The following DCPH1 variants were observed in gnomAD, a reference collection of about 807,000 sequenced individuals.
The protein encoded by DCPH1 is damage control phosphatase 1.
At chr6:151,460,793 A>C in the DCPH1 span, among the ~76,000 whole-genome samples, 7 of 151,952 alleles carry the variant, frequency 4.6e-5, no homozygotes, top group South Asian at 4.2e-4. Context: ...CAAAAAAAAA[A>C]CAAAAAAACA....
the DCPH1 span, among the ~76,000 whole-genome samples, chr6:151,453,224 A>T: frequency 6.6e-6 from 1 of 152,256 alleles, no homozygotes; most frequent in African/African-American, 2.4e-5. Context: ...GTTTCAGGTC[A>T]TGCAAGTATA....
At chr6:151,459,119 G>A in the DCPH1 span, among the ~76,000 whole-genome samples, 2 of 152,104 alleles carry the variant, frequency 1.3e-5, no homozygotes, top group Non-Finnish European at 2.9e-5. Flanking sequence ...CCTGAGCACC[G>A]GAGTGAAACT....
chr6:151,456,583 G>A, the DCPH1 span, among the ~76,000 whole-genome samples: 1 of 152,150 alleles, frequency 6.6e-6, no homozygotes, highest in South Asian at 2.1e-4. Flanking sequence ...GTATAATTTA[G>A]CCAAATTTGG....
the DCPH1 span, chr6:151,469,018 C>T: frequency 1.4e-5 from 22 of 1,614,204 alleles, no homozygotes; most frequent in Non-Finnish European, 1.8e-5. Context: ...GGTTGGTCTG[C>T]AGCCTGGGCA....
chr6:151,461,570 C>G, the DCPH1 span, among the ~76,000 whole-genome samples: 1 of 152,138 alleles, frequency 6.6e-6, no homozygotes, highest in African/African-American at 2.4e-5. Flanking sequence ...ACTCAGGAGG[C>G]TGAGGCAGGA....
At chr6:151,461,114 G>T in the DCPH1 span, among the ~76,000 whole-genome samples, 3 of 152,190 alleles carry the variant, frequency 2.0e-5, no homozygotes, top group Non-Finnish European at 4.4e-5. Context: ...AGGACTGAGA[G>T]TAGTCTGAAA....
chr6:151,469,371 A>G, the DCPH1 span: 8 of 349,896 alleles, frequency 2.3e-5, no homozygotes, highest in Admixed American at 3.6e-4. Flanking sequence ...TTCAGGTTAA[A>G]TATATAATTT....
chr6:151,455,009 A>T, the DCPH1 span, among the ~76,000 whole-genome samples: 1 of 152,336 alleles, frequency 6.6e-6, no homozygotes, highest in Middle Eastern at 3.4e-3. Flanking sequence ...TTTGAGTTGC[A>T]GTATTTATAT....
the DCPH1 span, among the ~76,000 whole-genome samples, chr6:151,460,406 A>G: frequency 4.0e-5 from 6 of 151,478 alleles, no homozygotes; most frequent in Admixed American, 2.6e-4. Context: ...CCCAGCCTAT[A>G]TATTTTTTTT....
the DCPH1 span, chr6:151,464,354 A>C: frequency 4.1e-6 from 3 of 725,754 alleles, no homozygotes; most frequent in Non-Finnish European, 6.8e-6. Context: ...TTCTGTTAGC[A>C]CTGATTATTG....
At chr6:151,465,334 C>G in the DCPH1 span, among the ~76,000 whole-genome samples, 1 of 152,062 alleles carries the variant, frequency 6.6e-6, no homozygotes, top group Non-Finnish European at 1.5e-5. Flanking sequence ...GGAAGACTTT[C>G]AAAAAGAAAT....
chr6:151,456,555 CAT>C, the DCPH1 span, among the ~76,000 whole-genome samples: 17 of 152,166 alleles, frequency 1.1e-4, no homozygotes, highest in Admixed American at 7.2e-4. Flanking sequence ...TGGTAACTGA[CAT>C]ATCTTTATCA....
chr6:151,469,561 A>G, the DCPH1 span: 1 of 153,514 alleles, frequency 6.5e-6, no homozygotes, highest in Non-Finnish European at 1.5e-5. Context: ...AGCTCTAGGA[A>G]AATGCGCATC....
chr6:151,462,942 A>G, the DCPH1 span, among the ~76,000 whole-genome samples: 17,718 of 152,220 alleles, frequency 0.12, 1,036 homozygotes, highest in Middle Eastern at 0.18. Flanking sequence ...CATAGGGGCC[A>G]TGTGGTCTCT....
At chr6:151,452,962 G>A in the DCPH1 span, among the ~76,000 whole-genome samples, 1 of 152,210 alleles carries the variant, frequency 6.6e-6, no homozygotes, top group Non-Finnish European at 1.5e-5. Context: ...TGATCAAATC[G>A]TAATCTCACA....
chr6:151,452,873 A>G, the DCPH1 span: 1 of 343,712 alleles, frequency 2.9e-6, no homozygotes, highest in African/African-American at 2.1e-5. Flanking sequence ...ACTTTAATAG[A>G]CGCGCTTTGG....
At chr6:151,461,554 C>T in the DCPH1 span, among the ~76,000 whole-genome samples, 3 of 152,044 alleles carry the variant, frequency 2.0e-5, no homozygotes, top group Admixed American at 2.0e-4. Context: ...ACCTGTAATC[C>T]CAGCTACTCA....
chr6:151,454,031 AAAT>A, the DCPH1 span, among the ~76,000 whole-genome samples: 2 of 152,212 alleles, frequency 1.3e-5, no homozygotes, highest in African/African-American at 2.4e-5. Context: ...AAATTTTTGA[AAAT>A]AATTAAAATT....
the DCPH1 span, chr6:151,458,699 T>C: frequency 1.4e-6 from 1 of 693,690 alleles, no homozygotes; most frequent in Non-Finnish European, 2.4e-6. Context: ...CAAATCTTAA[T>C]AGCATTGTTG....
Sources: allele counts gnomAD v4.1 joint callset (sites outside exome capture counted in the v4.1 genomes callset), GRCh38; gene constraint gnomAD v4.1.1; transcripts MANE v1.5; gene names NCBI Gene and HGNC (gene_info 2026-07-23, HGNC 2026-07-21).